ARHGEF9: variants seen among roughly 807,000 people sequenced by gnomAD.
ARHGEF9 encodes rho guanine nucleotide exchange factor 9.
In ARHGEF9, 2 loss-of-function variants were observed where a neutral mutation model predicts 41.3. The observed-to-expected ratio is 0.05, with a 90% CI of 0.02 to 0.15. The LOEUF (loss-of-function observed/expected upper bound fraction) is 0.15, where lower values mean the gene tolerates loss of function less well. Among genes scored for constraint, ARHGEF9 ranks in the 10% least tolerant of loss-of-function variants. ARHGEF9 has a pLI of 1.00. For missense variants in ARHGEF9, 225 were observed against 424.7 expected, an observed-to-expected ratio of 0.53 and a Z score of 4.13; for synonymous variants, 160 against 154.4, an observed-to-expected ratio of 1.04 and a Z score of -0.27.
At chrX:63,730,019 C>T (rs2054187815) in intron 1 of ARHGEF9, among the ~76,000 whole-genome samples, 1 of 111,621 alleles carries the variant, frequency 9.0e-6, no homozygotes, top group Non-Finnish European at 1.9e-5. Flanking sequence ...GATTTTTAAC[C>T]TAGAAATATG....
At position 63,678,411 on chromosome X, in the gene ARHGEF9, A is replaced by G. The variant is rs1556365168; in HGVS notation, c.744T>C (p.Thr248=). The change falls in exon 5 of 10, where the codon ACT becomes ACC. Residue 248 remains threonine, a synonymous_variant. Coordinates refer to ENST00000671741, the MANE Select transcript of ARHGEF9 (RefSeq NM_001353921.2). ...GATACTTGCAGATCTTCTGCACTGGAGTCAAAAGGAAACCATCGATAGCAA... is the reference window on the plus strand; with the variant it reads ...GATACTTGCAGATCTTCTGCACTGGGGTCAAAAGGAAACCATCGATAGCAA... ...IDIAIDGFLL[T]PVQKICKYPL... is the part of the protein sequence containing the mutation. 1 of 1,207,013 alleles carries G rather than the reference A, an allele frequency of 8.3e-7. No individual in the cohort carries two copies. Among genetic ancestry groups the G allele is most frequent in the Non-Finnish European group, 1.1e-6 (1 of 893,129 alleles).
At chrX:63,750,754 T>C (rs1281779919) in intron 1 of ARHGEF9, among the ~76,000 whole-genome samples, 2 of 111,718 alleles carry the variant, frequency 1.8e-5, no homozygotes, top group Non-Finnish European at 3.8e-5. Flanking sequence ...GCACAGTTAA[T>C]CTTAAGGAGA....
intron 4 of ARHGEF9, among the ~76,000 whole-genome samples, chrX:63,685,867 C>A (rs1250910114): frequency 9.0e-6 from 1 of 110,768 alleles, no homozygotes; most frequent in Non-Finnish European, 1.9e-5. Context: ...AGTAGAAAAC[C>A]GTTATGATTT....
chrX:63,717,855 T>C (rs1219181832), intron 2 of ARHGEF9, among the ~76,000 whole-genome samples: 1 of 111,688 alleles, frequency 9.0e-6, no homozygotes. Context: ...ATGGCCACTT[T>C]GCTAATAAAT....
chrX:63,737,737 C>T (rs1302703030), intron 1 of ARHGEF9, among the ~76,000 whole-genome samples: 2 of 111,989 alleles, frequency 1.8e-5, no homozygotes, highest in African/African-American at 6.5e-5. Context: ...TATTCATGAG[C>T]TCACTGGACC....
intron 8 of ARHGEF9, 122 bp downstream of exon 8, chrX:63,655,372 C>A (rs1322899204): frequency 1.9e-6 from 2 of 1,052,902 alleles, no homozygotes; most frequent in South Asian, 2.0e-5. Flanking sequence ...AAGGAACCAC[C>A]AAAGTAGCTT....
chrX:63,655,140 A>C (rs1433389381), intron 8 of ARHGEF9, among the ~76,000 whole-genome samples: 4 of 112,390 alleles, frequency 3.6e-5, no homozygotes, highest in Non-Finnish European at 7.5e-5. Context: ...AGGAGTACAA[A>C]CTATATACCT....
At chrX:63,681,864 A>C (rs1478971727) in intron 4 of ARHGEF9, among the ~76,000 whole-genome samples, 1 of 111,410 alleles carries the variant, frequency 9.0e-6, no homozygotes, top group African/African-American at 3.3e-5. Flanking sequence ...AAGATGTCTC[A>C]GAGATGAAAA....
chrX:63,638,870 AG>A (rs1228521300), intron 9 of ARHGEF9, among the ~76,000 whole-genome samples: 1 of 112,256 alleles, frequency 8.9e-6, no homozygotes, highest in Non-Finnish European at 1.9e-5. Flanking sequence ...GGAGCAAGGA[AG>A]ACGGAATATG....
At chrX:63,783,352 G>A (rs1220470203) in intron 1 of ARHGEF9, among the ~76,000 whole-genome samples, 1 of 104,320 alleles carries the variant, frequency 9.6e-6, no homozygotes, top group Non-Finnish European at 1.9e-5. Context: ...TCGGCTCACC[G>A]CAACCTCCCC....
At chrX:63,660,153 A>G (rs1317498267) in intron 7 of ARHGEF9, among the ~76,000 whole-genome samples, 1 of 111,946 alleles carries the variant, frequency 8.9e-6, no homozygotes, top group Non-Finnish European at 1.9e-5. Context: ...AATGATGATC[A>G]ATGATAGACT....
rs2047360926 is a variant in ARHGEF9, at chrX:63,637,397, A to G, written c.*631T>C. ...TCCAGACTGGCATGACTGAGGACAGAGGATGCTGAAAAAAGGTTATTTGGG... is the reference window on the plus strand; with the variant it reads ...TCCAGACTGGCATGACTGAGGACAGGGGATGCTGAAAAAAGGTTATTTGGG... On this transcript the variant is annotated 3_prime_UTR_variant, in exon 10 of 10. Transcript: ENST00000671741. 3.4e-6 allele frequency: 1 copy of G among 294,947 alleles called. No individual in the cohort carries two copies. The highest frequency in any genetic ancestry group is 4.8e-5 in the East Asian group (1 of 20,877). 24.3% of individuals were successfully genotyped at this position (294,947 alleles called of 1,213,427 possible).
At chrX:63,713,920 T>C (rs2053128457) in intron 2 of ARHGEF9, among the ~76,000 whole-genome samples, 2 of 111,653 alleles carry the variant, frequency 1.8e-5, no homozygotes, top group Admixed American at 1.9e-4. Context: ...TCACTAATTA[T>C]ATGAAGTATC....
chrX:63,673,527 G>A (rs1422600669), intron 6 of ARHGEF9, among the ~76,000 whole-genome samples: 1 of 110,794 alleles, frequency 9.0e-6, no homozygotes, highest in Admixed American at 9.6e-5. Context: ...TGAAAACTGT[G>A]GATTTGGCAG....
chrX:63,646,116 A>G lies in ARHGEF9; in HGVS notation c.1322-2068T>C, dbSNP rs367831637. Among the ~76,000 whole-genome samples the G allele has an allele frequency of 7.2e-5, 8 of 111,386 alleles. No individual in the cohort carries two copies. The East Asian group carries it at 1.7e-3, about 24-fold the overall frequency. Reference sequence around the variant, plus strand: ...GTAAATTTGTTTGAGTTCATTGTAGATTCTGGATATTAGGCCTTTGTCAGA... The same window carrying G: ...GTAAATTTGTTTGAGTTCATTGTAGGTTCTGGATATTAGGCCTTTGTCAGA... On this transcript the variant is annotated intron_variant, in intron 8 of 9. Coordinates refer to ENST00000671741, the MANE Select transcript of ARHGEF9 (RefSeq NM_001353921.2).
intron 2 of ARHGEF9, among the ~76,000 whole-genome samples, chrX:63,713,811 C>T (rs1421455162): frequency 1.8e-5 from 2 of 110,708 alleles, no homozygotes; most frequent in Admixed American, 9.5e-5. Context: ...TGCCAGGAAG[C>T]ACTTAGCATT....
At position 63,689,759 on chromosome X, in the gene ARHGEF9, C is replaced by T. The variant is rs782269899; in HGVS notation, c.582+7366G>A. On this transcript the variant is annotated intron_variant, in intron 4 of 9. Coordinates refer to ENST00000671741, the MANE Select transcript of ARHGEF9 (RefSeq NM_001353921.2). ...GCCATATGTTAGGCCATAAACAAAT[C>T]TCAACAAATTTTAAAAAGTCAAATT... Among the ~76,000 whole-genome samples, 3 of 112,073 alleles carry T rather than the reference C, an allele frequency of 2.7e-5. No homozygotes were observed. In the South Asian group the frequency reaches 1.1e-3, roughly 41 times the overall value.
rs2051474861 is a variant in ARHGEF9, at chrX:63,693,239, TAGA to T, written c.582+3883_582+3885del. Reference sequence around the variant, plus strand: ...AATTAATTGCTTGTTTCAAAATAGCTAGAAGATTTGGAATGCCCCCAACACAAA... The same window carrying T: ...AATTAATTGCTTGTTTCAAAATAGCTAGATTTGGAATGCCCCCAACACAAA... On this transcript the variant is annotated intron_variant, in intron 4 of 9. Coordinates refer to ENST00000671741, the MANE Select transcript of ARHGEF9 (RefSeq NM_001353921.2). Among the ~76,000 whole-genome samples the T allele has an allele frequency of 1.8e-5, 2 of 112,212 alleles. 1 individual carries two copies. Among genetic ancestry groups the T allele is most frequent in the South Asian group, 7.3e-4 (2 of 2,725 alleles).
intron 7 of ARHGEF9, among the ~76,000 whole-genome samples, chrX:63,660,614 T>C (rs1556340458): frequency 8.9e-6 from 1 of 112,092 alleles, no homozygotes; most frequent in African/African-American, 3.2e-5. Flanking sequence ...TGGCTTTGGG[T>C]TCAGGCTGTC....
Sources: gnomAD v4.1 joint callset for allele counts (sites outside exome capture counted in the v4.1 genomes callset) on GRCh38, gnomAD v4.1.1 for gene constraint, MANE v1.5 for transcripts, NCBI Gene and HGNC (gene_info 2026-07-23, HGNC 2026-07-21) for gene names.